ERP44: variants seen among roughly 807,000 people sequenced by gnomAD.
ERP44 encodes the protein endoplasmic reticulum protein 44, also known as endoplasmic reticulum resident protein 44.
ERP44 carries 25 observed loss-of-function variants against 53.4 expected under a neutral mutation model. That is an observed-to-expected ratio of 0.47 (90% confidence interval 0.34 to 0.65). The LOEUF (loss-of-function observed/expected upper bound fraction) is 0.65. Ranked by LOEUF, ERP44 falls within the 30% of genes least tolerant of loss-of-function variation. ERP44 has a pLI of 0.01. For missense variants in ERP44, 338 were observed against 493.2 expected, an observed-to-expected ratio of 0.69 and a Z score of 2.98; for synonymous variants, 145 against 161.2, an observed-to-expected ratio of 0.90 and a Z score of 0.76.
intron 1 of ERP44, among the ~76,000 whole-genome samples, chr9:100,080,832 A>G (rs1171975647): frequency 1.3e-5 from 2 of 152,222 alleles, no homozygotes; most frequent in Non-Finnish European, 2.9e-5. Context: ...ACGTGGGTAC[A>G]GGAAACTAAC....
At chr9:100,057,903 T>C (rs1826102039) in intron 2 of ERP44, 44 bp from the exon 3 acceptor site, 7 of 1,431,568 alleles carry the variant, frequency 4.9e-6, no homozygotes, top group South Asian at 2.4e-5. Context: ...TGTAATAATT[T>C]TGACATAATT....
chr9:99,997,572 T>TA (rs1830326210), intron 10 of ERP44, among the ~76,000 whole-genome samples: 1 of 152,174 alleles, frequency 6.6e-6, no homozygotes, highest in Non-Finnish European at 1.5e-5. Flanking sequence ...GCAGGCTCTA[T>TA]ATGCTTTACC....
Position 100,085,242 on chromosome 9 carries a change from T to G in ERP44, c.57+13542A>C, listed in dbSNP as rs547975219. Among the ~76,000 whole-genome samples, 11 of 152,312 alleles carry G rather than the reference T, an allele frequency of 7.2e-5. No individual in the cohort carries two copies. In the South Asian group the frequency reaches 2.3e-3, roughly 32 times the overall value. ...TTTAACCAACTCTCCATCTTTCCAA[T>G]GGTAGGTATATGTGTAACTATTAAT... On this transcript the variant is annotated intron_variant, in intron 1 of 11. Coordinates refer to ENST00000262455, the MANE Select transcript of ERP44 (RefSeq NM_015051.3).
intron 1 of ERP44, among the ~76,000 whole-genome samples, chr9:100,062,741 A>G (rs1238788841): frequency 6.6e-6 from 1 of 152,138 alleles, no homozygotes; most frequent in Non-Finnish European, 1.5e-5. Flanking sequence ...ATCTATCAAA[A>G]TATGTAGAGA....
intron 1 of ERP44, among the ~76,000 whole-genome samples, chr9:100,088,232 A>C (rs1201495003): frequency 6.6e-6 from 1 of 152,258 alleles, no homozygotes; most frequent in African/African-American, 2.4e-5. Context: ...ATACATAGTA[A>C]GGGCAAGTAC....
At chr9:100,008,346 C>A (rs1351528525) in intron 8 of ERP44, among the ~76,000 whole-genome samples, 1 of 151,950 alleles carries the variant, frequency 6.6e-6, no homozygotes, top group South Asian at 2.1e-4. Flanking sequence ...CAGAAAAGCA[C>A]CTTGAAAATT....
chr9:100,073,259 T>C (rs1348686926), intron 1 of ERP44, among the ~76,000 whole-genome samples: 6 of 152,222 alleles, frequency 3.9e-5, no homozygotes, highest in African/African-American at 9.6e-5. Context: ...AAGTAATGCA[T>C]GATCAAGTTT....
At chr9:100,090,959 C>A (rs1587987426) in intron 1 of ERP44, among the ~76,000 whole-genome samples, 1 of 152,038 alleles carries the variant, frequency 6.6e-6, no homozygotes, top group East Asian at 1.9e-4. Context: ...TCTAAAATTT[C>A]TTAAATCCAT....
Position 100,020,687 on chromosome 9 carries a change from C to T in ERP44, c.516G>A (p.Ser172=), listed in dbSNP as rs771231030. ...NIIGYFEQKD[S]DNYRVFERVA... is the part of the protein sequence containing the mutation. ...CTCGTTCAAAAACTCTATAGTTGTC[C>T]GAGTCCTTTTGCTCAAAATATCCAA... The change falls in exon 6 of 12, where the codon TCG becomes TCA. Residue 172 remains serine (S), a synonymous_variant. Coordinates refer to ENST00000262455, the MANE Select transcript of ERP44 (RefSeq NM_015051.3). 6.2e-6 allele frequency: 10 copies of T among 1,609,920 alleles called. No individual in the cohort carries two copies. Among genetic ancestry groups the T allele is most frequent in the Admixed American group, 3.3e-5 (2 of 59,870 alleles).
At chr9:100,067,758 C>A (rs1346410990) in intron 1 of ERP44, among the ~76,000 whole-genome samples, 3 of 152,022 alleles carry the variant, frequency 2.0e-5, no homozygotes, top group African/African-American at 7.2e-5. Flanking sequence ...GCGCCTCTTC[C>A]CGGCCGCCAT....
At chr9:100,070,374 GA>G (rs1826287016) in intron 1 of ERP44, among the ~76,000 whole-genome samples, 1 of 152,098 alleles carries the variant, frequency 6.6e-6, no homozygotes, top group South Asian at 2.1e-4. Context: ...AAAAATAAAA[GA>G]GAGAAAGAAG....
intron 9 of ERP44, 111 bp from the exon 10 acceptor site, chr9:100,006,758 T>C (rs1830428788): frequency 4.3e-6 from 3 of 697,896 alleles, no homozygotes; most frequent in Non-Finnish European, 2.3e-6. Context: ...CCCAACATTC[T>C]TAAGAGTAAT....
chr9:100,043,623 C>T (rs539408303), intron 4 of ERP44, among the ~76,000 whole-genome samples: 332 of 152,070 alleles, frequency 2.2e-3, no homozygotes, highest in Non-Finnish European at 3.9e-3. Context: ...GCCGTGGTGG[C>T]GCACACCTGT....
chr9:99,995,963 G>A (rs943859318), intron 10 of ERP44, among the ~76,000 whole-genome samples: 1 of 125,606 alleles, frequency 8.0e-6, no homozygotes, highest in Non-Finnish European at 1.6e-5. Context: ...ACTCCATACT[G>A]TTTTCCATAA....
At chr9:99,993,729 TTA>T (rs1830280286) in intron 10 of ERP44, among the ~76,000 whole-genome samples, 1 of 152,132 alleles carries the variant, frequency 6.6e-6, no homozygotes, top group Non-Finnish European at 1.5e-5. Context: ...ACAGGCAACC[TTA>T]AGAATGGGAG....
chr9:100,013,434 A>C (rs76277593), intron 8 of ERP44, among the ~76,000 whole-genome samples: 143 of 151,646 alleles, frequency 9.4e-4, no homozygotes, highest in African/African-American at 3.2e-3. Flanking sequence ...AAAAAAAAAA[A>C]AAAAGAATTA....
In ERP44 at chr9:100,067,384, G is replaced by T. The variant is rs550841163; in HGVS notation, c.58-7212C>A. Among the ~76,000 whole-genome samples the T allele has an allele frequency of 3.3e-3, 497 of 152,374 alleles. 2 individuals are homozygous for T. The highest frequency in any genetic ancestry group is 0.011 in the African/African-American group (468 of 41,596). ...TTTCGTATTTTTTTGGTGGAGACGG[G>T]GTTTCGCTGTGTTGGCCGGGCTGGT... On this transcript the variant is annotated intron_variant, in intron 1 of 11. Coordinates refer to ENST00000262455, the MANE Select transcript of ERP44 (RefSeq NM_015051.3).
At chr9:100,047,092 T>G (rs1825979845) in intron 4 of ERP44, among the ~76,000 whole-genome samples, 1 of 152,220 alleles carries the variant, frequency 6.6e-6, no homozygotes, top group African/African-American at 2.4e-5. Flanking sequence ...ATGTAAAAAT[T>G]AATTCCAAAT....
At chr9:100,043,435 A>G (rs1052897696) in intron 4 of ERP44, among the ~76,000 whole-genome samples, 2 of 151,646 alleles carry the variant, frequency 1.3e-5, no homozygotes, top group African/African-American at 2.4e-5. Flanking sequence ...AGTCATGGAT[A>G]CCCTGATGTG....
Sources: allele counts gnomAD v4.1 joint callset (sites outside exome capture counted in the v4.1 genomes callset), GRCh38; gene constraint gnomAD v4.1.1; transcripts MANE v1.5; gene names NCBI Gene and HGNC (gene_info 2026-07-23, HGNC 2026-07-21).